Variants in MOB2 observed in about 807,000 individuals in gnomAD.
The protein encoded by MOB2 is MOB kinase activator 2.
In MOB2, 14 loss-of-function variants were observed where a neutral mutation model predicts 27.4. The ratio of observed to expected loss-of-function variants is 0.51; its 90% CI spans 0.34 to 0.80. The LOEUF (loss-of-function observed/expected upper bound fraction) is 0.80, where lower values mean the gene tolerates loss of function less well. Ranked by LOEUF, MOB2 falls within the 30% of genes least tolerant of loss-of-function variation. MOB2 has a pLI of 0.01. For synonymous variants in MOB2, 167 were observed against 151.8 expected, an observed-to-expected ratio of 1.10 and a Z score of -0.74; for missense variants, 304 against 354.6, an observed-to-expected ratio of 0.86 and a Z score of 1.15.
At chr11:1,479,682 A>G (rs115493230) in intron 3 of MOB2, among the ~76,000 whole-genome samples, 2 of 152,210 alleles carry the variant, frequency 1.3e-5, no homozygotes, top group East Asian at 3.9e-4. Flanking sequence ...GATGACTTTC[A>G]GGACGCACTC....
chr11:1,472,294 T>C (rs1847802691), intron 3 of MOB2: 2 of 152,212 alleles, frequency 1.3e-5, no homozygotes, highest in South Asian at 4.1e-4. Context: ...AACCAGGGCA[T>C]GCTGGGGCCG....
chr11:1,480,941 G>GATGGGCGTGTAGTGA, intron 1 of MOB2, 56 bp from the exon 2 acceptor site: 1 of 1,538,780 alleles, frequency 6.5e-7, no homozygotes, highest in Non-Finnish European at 8.8e-7. Context: ...CCCAGGGTCT[G>GATGGGCGTGTAGTGA]CCCGGGGGGT....
chr11:1,477,726 A>G (rs1590764451), intron 3 of MOB2, among the ~76,000 whole-genome samples: 1 of 152,170 alleles, frequency 6.6e-6, no homozygotes, highest in South Asian at 2.1e-4. Flanking sequence ...CCAGAACCGC[A>G]AGAAATAAGA....
chr11:1,475,784 G>A (rs958805949), intron 3 of MOB2, among the ~76,000 whole-genome samples: 5 of 152,150 alleles, frequency 3.3e-5, no homozygotes, highest in Admixed American at 6.6e-5. Context: ...ATGTAACAGC[G>A]AAATTAAAGG....
chr11:1,486,310 A>G (rs887108079), intron 1 of MOB2, 137 bp downstream of exon 1: 3 of 677,584 alleles, frequency 4.4e-6, no homozygotes, highest in Non-Finnish European at 5.1e-6. Context: ...AGCTCGCTGC[A>G]CAGCCGCCGG....
chr11:1,486,425 C>G, intron 1 of MOB2, 22 bp downstream of exon 1: 3 of 1,517,554 alleles, frequency 2.0e-6, no homozygotes, highest in East Asian at 4.9e-5. Context: ...ACCCCTCCCC[C>G]AGCCAGGCTG....
rs918640054 is a variant in MOB2, at chr11:1,470,148, G to A, written c.*24C>T. ...CACACCACCGTCTCTTTGCACACGTGTGCCCCTGTCCGGCCCGGGGGGCTC... is the reference window on the plus strand; with the variant it reads ...CACACCACCGTCTCTTTGCACACGTATGCCCCTGTCCGGCCCGGGGGGCTC... On this transcript the variant is annotated 3_prime_UTR_variant, in exon 5 of 5. Transcript: ENST00000329957. The A allele has an allele frequency of 7.6e-6, 12 of 1,569,296 alleles. No homozygotes were observed. Among genetic ancestry groups the A allele is most frequent in the Non-Finnish European group, 8.6e-6 (10 of 1,158,072 alleles).
In MOB2 at chr11:1,480,468, T is replaced by C. The variant is rs1380628413; in HGVS notation, c.290A>G (p.His97Arg). 4 of 1,613,744 alleles carry C rather than the reference T, an allele frequency of 2.5e-6. No homozygotes were observed. The highest frequency in any genetic ancestry group is 3.4e-6 in the Non-Finnish European group (4 of 1,179,844). The change falls in exon 3 of 5, where the codon CAC (histidine) becomes CGC (arginine). Residue 97 changes from histidine (H) to arginine (R), a missense_variant. Coordinates refer to ENST00000329957, the MANE Select transcript of MOB2 (RefSeq NM_001172223.3). ...GATGGTGCTATACTGCAGGTTGATG[T>C]GGTGGAAAAACGTCGTGGCTGGAAG... ...LASNTTTFFHHINLQYSTISE... is the reference protein window; with the variant it reads ...LASNTTTFFHRINLQYSTISE...
intron 1 of MOB2, among the ~76,000 whole-genome samples, chr11:1,484,435 C>T (rs558197146): frequency 2.6e-5 from 4 of 152,220 alleles, no homozygotes; most frequent in East Asian, 1.9e-4. Context: ...CTCCTTGGTT[C>T]GGGTGAATGT....
intron 1 of MOB2, 155 bp from the exon 2 acceptor site, chr11:1,481,040 G>A (rs987782258): frequency 1.1e-6 from 1 of 889,724 alleles, no homozygotes; most frequent in Admixed American, 2.5e-5. Context: ...ACACCAACGG[G>A]ACACCAACGG....
rs1222945660 is a variant in MOB2, at chr11:1,470,485, C to T, written c.494G>A (p.Arg165Lys). The T allele has an allele frequency of 6.2e-7, 1 of 1,610,940 alleles. No homozygotes were observed. The highest frequency in any genetic ancestry group is 2.2e-5 in the East Asian group (1 of 44,836). The part of the protein sequence containing the change: ...DEDVFPTKYG[R>K]EFPSSFESLV... ...GGACTCAAAGGAGCTGGGGAATTCT[C>T]TGCCTGGGGAAGGCCACCGTGTCAC... Residue 165 changes from arginine (R) to lysine (K), a missense_variant, in exon 5 of 5, where the codon AGA becomes AAA. Coordinates refer to ENST00000329957, the MANE Select transcript of MOB2 (RefSeq NM_001172223.3).
In MOB2 at chr11:1,469,844, C is replaced by T. The variant is rs905786020; in HGVS notation, c.*328G>A. 20 of 591,950 alleles carry T rather than the reference C, an allele frequency of 3.4e-5. No homozygotes were observed. Among genetic ancestry groups the T allele is most frequent in the Non-Finnish European group, 5.0e-5 (16 of 316,916 alleles). 36.7% of individuals were successfully genotyped at this position (591,950 alleles called of 1,614,324 possible). On this transcript the variant is annotated 3_prime_UTR_variant, in exon 5 of 5. Transcript: ENST00000329957. ...TTCCTCCTTTGAGGCCAGCAGCACC[C>T]GAGGGAGGGCAGGGGCTGCACGGAG...
intron 3 of MOB2, chr11:1,471,939 C>T (rs1421175672): frequency 6.5e-6 from 1 of 153,098 alleles, no homozygotes; most frequent in Non-Finnish European, 1.5e-5. Flanking sequence ...TCTGTGGGTA[C>T]CTGCGGCTAA....
At chr11:1,480,700 G>A in intron 2 of MOB2, 25 bp downstream of exon 2, 1 of 1,595,572 alleles carries the variant, frequency 6.3e-7, no homozygotes, top group Non-Finnish European at 8.5e-7. Context: ...GGAGGGAGGG[G>A]GCCCGCCCCC....
chr11:1,476,454 A>G (rs1439267495), intron 3 of MOB2, among the ~76,000 whole-genome samples: 1 of 152,176 alleles, frequency 6.6e-6, no homozygotes, highest in Non-Finnish European at 1.5e-5. Flanking sequence ...ACTCCTCTTT[A>G]CATCCACAGG....
At position 1,480,602 on chromosome 11, in the gene MOB2, G is replaced by A. The variant is rs1019418266; in HGVS notation, c.272-116C>T. 1.3e-5 allele frequency: 20 copies of A among 1,527,770 alleles called. No individual in the cohort carries two copies. In the African/African-American group the frequency reaches 1.6e-4, roughly 13 times the overall value. 94.6% of individuals were successfully genotyped at this position (1,527,770 alleles called of 1,614,324 possible). The stretch of plus-strand genomic sequence containing the variant: ...GGCTGGGTGAGCTCTGCCCGTCCAC[G>A]GGCCACATTCTCCCCTCGCGGCAGG... On this transcript the variant is annotated intron_variant, in intron 2 of 4. Coordinates refer to ENST00000329957, the MANE Select transcript of MOB2 (RefSeq NM_001172223.3).
intron 3 of MOB2, among the ~76,000 whole-genome samples, chr11:1,477,713 C>T (rs1227950757): frequency 6.6e-6 from 1 of 152,198 alleles, no homozygotes; most frequent in Non-Finnish European, 1.5e-5. Flanking sequence ...GGACTTTCAG[C>T]TTCCAGAACC....
intron 3 of MOB2, chr11:1,472,122 T>C (rs933130587): frequency 2.0e-5 from 3 of 152,080 alleles, no homozygotes; most frequent in Non-Finnish European, 4.4e-5. Context: ...CTCTAGTTCA[T>C]GTTAATATAA....
intron 3 of MOB2, among the ~76,000 whole-genome samples, chr11:1,478,141 G>C (rs1419372318): frequency 1.3e-5 from 2 of 152,180 alleles, no homozygotes; most frequent in Admixed American, 6.5e-5. Context: ...CAGCTCTCTT[G>C]CCCACAGCCC....
Sources: allele counts gnomAD v4.1 joint callset (sites outside exome capture counted in the v4.1 genomes callset), GRCh38; gene constraint gnomAD v4.1.1; transcripts MANE v1.5; gene names NCBI Gene and HGNC (gene_info 2026-07-23, HGNC 2026-07-21).